Variants in CHRM5 observed in about 807,000 individuals in gnomAD.
CHRM5 encodes the protein cholinergic receptor muscarinic 5.
In CHRM5, 18 loss-of-function variants were observed where a neutral mutation model predicts 39.0. That is an observed-to-expected ratio of 0.46 (90% confidence interval 0.32 to 0.68). The LOEUF (loss-of-function observed/expected upper bound fraction) is 0.68. Among genes scored for constraint, CHRM5 ranks in the 30% least tolerant of loss-of-function variants. The pLI is 0.04. For missense variants in CHRM5, 515 were observed against 651.1 expected (o/e 0.79, Z 2.28); for synonymous variants, 241 against 246.3 (o/e 0.98, Z 0.20).
At chr15:33,978,687 A>G (rs992130513) in intron 1 of CHRM5, among the ~76,000 whole-genome samples, 4 of 151,932 alleles carry the variant, frequency 2.6e-5, no homozygotes, top group Non-Finnish European at 5.9e-5. Context: ...AATAAATAAA[A>G]ATAAAAATAA....
intron 1 of CHRM5, among the ~76,000 whole-genome samples, chr15:34,037,442 T>C (rs1899197326): frequency 6.6e-6 from 1 of 151,286 alleles, no homozygotes; most frequent in African/African-American, 2.4e-5. Context: ...TCAGTTAACC[T>C]GTAAAAATAA....
chr15:34,031,058 C>T (rs1460110217), intron 1 of CHRM5, among the ~76,000 whole-genome samples: 2 of 150,704 alleles, frequency 1.3e-5, no homozygotes, highest in Non-Finnish European at 2.9e-5. Context: ...TAACTTGACA[C>T]AGTTAAATAC....
chr15:34,037,047 T>C (rs1471070122), intron 1 of CHRM5, among the ~76,000 whole-genome samples: 1 of 151,574 alleles, frequency 6.6e-6, no homozygotes, highest in Non-Finnish European at 1.5e-5. Flanking sequence ...AGGCGGAGGT[T>C]GCAGCAAGCC....
chr15:34,015,752 A>C (rs1897874441), intron 1 of CHRM5, among the ~76,000 whole-genome samples: 1 of 152,192 alleles, frequency 6.6e-6, no homozygotes. Flanking sequence ...GACACGTCTC[A>C]CACGGATCTT....
intron 1 of CHRM5, among the ~76,000 whole-genome samples, chr15:34,015,784 C>T (rs1030696629): frequency 6.6e-6 from 1 of 152,166 alleles, no homozygotes; most frequent in Non-Finnish European, 1.5e-5. Context: ...TTTCCTTCTC[C>T]AAGTCCTTAT....
intron 1 of CHRM5, among the ~76,000 whole-genome samples, chr15:34,021,519 A>G (rs531944700): frequency 9.2e-5 from 14 of 152,202 alleles, no homozygotes; most frequent in African/African-American, 3.1e-4. Context: ...TCCTGACCTC[A>G]GGTGAGCCAC....
intron 1 of CHRM5, among the ~76,000 whole-genome samples, chr15:33,983,158 GTA>G (rs775545239): frequency 0.031 from 4,291 of 136,306 alleles, 127 homozygotes; most frequent in Non-Finnish European, 0.043. Context: ...GTGTGTGTGT[GTA>G]TGTGTGTGTG....
chr15:34,026,471 T>G (rs1159471473), intron 1 of CHRM5, among the ~76,000 whole-genome samples: 2 of 152,244 alleles, frequency 1.3e-5, no homozygotes, highest in African/African-American at 2.4e-5. Context: ...AGGTCATACT[T>G]GAGATGAGTT....
intron 2 of CHRM5, among the ~76,000 whole-genome samples, chr15:34,053,807 A>G (rs1180343310): frequency 6.6e-6 from 1 of 152,208 alleles, no homozygotes; most frequent in East Asian, 1.9e-4. Flanking sequence ...AGCAATTGCA[A>G]CAAAGCAAAA....
intron 1 of CHRM5, among the ~76,000 whole-genome samples, chr15:34,027,043 A>G (rs1439133674): frequency 6.6e-6 from 1 of 152,192 alleles, no homozygotes; most frequent in African/African-American, 2.4e-5. Flanking sequence ...ACCTCTGCAA[A>G]CCCACTCTAC....
intron 1 of CHRM5, among the ~76,000 whole-genome samples, chr15:34,036,072 A>G (rs2140782211): frequency 6.7e-6 from 1 of 150,290 alleles, no homozygotes; most frequent in East Asian, 1.9e-4. Context: ...CTGGGATTAC[A>G]AGCGCGAGCC....
At chr15:33,992,339 G>A (rs760924175) in intron 1 of CHRM5, among the ~76,000 whole-genome samples, 1 of 151,862 alleles carries the variant, frequency 6.6e-6, no homozygotes. Flanking sequence ...GCAGTGAGCC[G>A]AGATTGCGCC....
chr15:33,978,679 T>TAAATAA (rs1039420070), intron 1 of CHRM5, among the ~76,000 whole-genome samples: 2 of 151,450 alleles, frequency 1.3e-5, no homozygotes, highest in African/African-American at 2.4e-5. Context: ...AATAAATAAA[T>TAAATAA]AAATAAAAAT....
At position 34,031,268 on chromosome 15, in the gene CHRM5, G is replaced by A. The variant is rs563808280; in HGVS notation, c.-407-15272G>A. ...CAGCTCACTGCAACCTCCGCCTCCC[G>A]GGTTCAAGCGATTCTCCTGTCTCAG... On this transcript the variant is annotated intron_variant, in intron 1 of 2. Transcript: ENST00000383263. Among the ~76,000 whole-genome samples the A allele has an allele frequency of 1.5e-3, 209 of 135,298 alleles. 3 individuals carry two copies. The highest frequency in any genetic ancestry group is 5.4e-3 in the African/African-American group (193 of 35,972). 88.8% of individuals were successfully genotyped at this position (135,298 alleles called of 152,430 possible).
chr15:34,064,000 A>C lies in CHRM5; in HGVS notation c.1283A>C (p.Lys428Thr), dbSNP rs149897590. The change falls in exon 3 of 3, where the codon AAA becomes ACA. Residue 428 changes from lysine (K) to threonine (T), a missense_variant. Coordinates refer to ENST00000383263, the MANE Select transcript of CHRM5 (RefSeq NM_012125.4). This position sits in a 1 kb window ranked among gnomAD's most constrained non-coding sequence, Gnocchi z 4.1. ...CCCAACCCCAGCCATCAAATGACCA[A>C]ACGAAAGAGAGTGGTCCTAGTCAAA... is the stretch of plus-strand genomic sequence containing the variant. ...LNPNPSHQMT[K>T]RKRVVLVKER... 3,505 of 1,614,130 alleles carry C rather than the reference A, an allele frequency of 2.2e-3. 9 individuals carry two copies. Among genetic ancestry groups the C allele is most frequent in the Non-Finnish European group, 2.7e-3 (3,191 of 1,180,014 alleles).
At chr15:33,984,690 C>T (rs929787569) in intron 1 of CHRM5, among the ~76,000 whole-genome samples, 1 of 152,168 alleles carries the variant, frequency 6.6e-6, no homozygotes, top group Non-Finnish European at 1.5e-5. Flanking sequence ...GTGTGAGGCA[C>T]TGCACCCAGC....
At position 34,005,595 on chromosome 15, in the gene CHRM5, G is replaced by C. The variant is rs536538137; in HGVS notation, c.-408+36445G>C. Among the ~76,000 whole-genome samples, 17 of 152,284 alleles carry C rather than the reference G, an allele frequency of 1.1e-4. No homozygotes were observed. The South Asian group carries it at 3.3e-3, about 30-fold the overall frequency. ...CATAAGCACTATATATAATAACTAA[G>C]ATGGACCACAGGGTTTGGATAATGA... On this transcript the variant is annotated intron_variant, in intron 1 of 2. Coordinates refer to ENST00000383263, the MANE Select transcript of CHRM5 (RefSeq NM_012125.4).
chr15:33,976,409 C>T (rs985454385), intron 1 of CHRM5, among the ~76,000 whole-genome samples: 20 of 151,996 alleles, frequency 1.3e-4, no homozygotes, highest in African/African-American at 4.8e-4. Flanking sequence ...TCTTGAGATT[C>T]AATTTTAAGT....
At chr15:34,039,409 C>CG (rs1016680780) in intron 1 of CHRM5, among the ~76,000 whole-genome samples, 7 of 8,072 alleles carry the variant, frequency 8.7e-4, no homozygotes, top group Non-Finnish European at 2.2e-3. Context: ...TGTGAACTCT[C>CG]GGAAAAAAAA....
Sources: allele counts gnomAD v4.1 joint callset (sites outside exome capture counted in the v4.1 genomes callset), GRCh38; gene constraint gnomAD v4.1.1; non-coding constraint Gnocchi (gnomAD v3.1); transcripts MANE v1.5; gene names NCBI Gene and HGNC (gene_info 2026-07-23, HGNC 2026-07-21).